Variants in SND1 observed in about 807,000 individuals in gnomAD.
SND1 encodes staphylococcal nuclease and tudor domain containing 1, also known as staphylococcal nuclease domain-containing protein 1.
Under a neutral mutation model 121.7 loss-of-function variants are expected in SND1, and 38 were observed. The observed-to-expected ratio is 0.31, with a 90% CI of 0.24 to 0.41. SND1 has a LOEUF of 0.41. Ranked by LOEUF, SND1 falls within the 10% of genes least tolerant of loss-of-function variation. The pLI is 1.00. For synonymous variants in SND1, 401 were observed against 447.4 expected, an observed-to-expected ratio of 0.90 and a Z score of 1.31; for missense variants, 868 against 1,184.6, an observed-to-expected ratio of 0.73 and a Z score of 3.92.
chr7:127,924,532 T>A (rs1483533683), intron 14 of SND1, among the ~76,000 whole-genome samples: 1 of 152,184 alleles, frequency 6.6e-6, no homozygotes, highest in Admixed American at 6.5e-5. Flanking sequence ...GGAATCACTT[T>A]GCATACATCT....
chr7:127,935,387 A>G (rs187724431), intron 15 of SND1, among the ~76,000 whole-genome samples: 1 of 152,358 alleles, frequency 6.6e-6, no homozygotes, highest in Admixed American at 6.5e-5. Flanking sequence ...TTCATAATAT[A>G]AATTTTAGAA....
intron 10 of SND1, among the ~76,000 whole-genome samples, chr7:127,766,498 G>T (rs762042363): frequency 1.3e-5 from 2 of 152,034 alleles, no homozygotes; most frequent in Non-Finnish European, 2.9e-5. Flanking sequence ...ATCTTAGGCC[G>T]GGCGCGATGG....
At chr7:127,786,421 G>C (rs1797813960) in intron 10 of SND1, among the ~76,000 whole-genome samples, 1 of 152,080 alleles carries the variant, frequency 6.6e-6, no homozygotes, top group Non-Finnish European at 1.5e-5. Flanking sequence ...CCCACTCCTT[G>C]TTAACTATGT....
chr7:128,007,159 T>C (rs1266471749), intron 16 of SND1, among the ~76,000 whole-genome samples: 1 of 152,172 alleles, frequency 6.6e-6, no homozygotes, highest in Non-Finnish European at 1.5e-5. Context: ...TTGTTTTTTT[T>C]CCCATGGATC....
At chr7:127,837,631 A>G (rs2116635189) in intron 11 of SND1, among the ~76,000 whole-genome samples, 1 of 152,364 alleles carries the variant, frequency 6.6e-6, no homozygotes, top group South Asian at 2.1e-4. Context: ...AGGCAGGACC[A>G]ACAGGCTCCT....
intron 10 of SND1, among the ~76,000 whole-genome samples, chr7:127,793,905 G>GCTT (rs908717903): frequency 6.1e-4 from 93 of 152,260 alleles, no homozygotes; most frequent in African/African-American, 2.1e-3. Context: ...CCTGAGTATG[G>GCTT]CTTCAAGTTT....
intron 10 of SND1, among the ~76,000 whole-genome samples, chr7:127,736,111 C>T (rs900800523): frequency 1.3e-5 from 2 of 152,188 alleles, no homozygotes; most frequent in Non-Finnish European, 2.9e-5. Flanking sequence ...CTAAATAGTT[C>T]ATTGTCAATT....
At chr7:127,852,196 A>C (rs1193092660) in intron 12 of SND1, among the ~76,000 whole-genome samples, 4 of 150,878 alleles carry the variant, frequency 2.7e-5, no homozygotes, top group African/African-American at 9.7e-5. Flanking sequence ...ATAAAATAAA[A>C]TAAATAAAAA....
At chr7:127,920,862 A>C (rs1395562015) in intron 14 of SND1, among the ~76,000 whole-genome samples, 1 of 151,548 alleles carries the variant, frequency 6.6e-6, no homozygotes, top group Admixed American at 6.6e-5. Context: ...TCTTAACAAA[A>C]AAAAAAAAAA....
chr7:127,947,889 C>T (rs1417824656), intron 15 of SND1, among the ~76,000 whole-genome samples: 2 of 152,034 alleles, frequency 1.3e-5, no homozygotes, highest in African/African-American at 4.8e-5. Flanking sequence ...TTTATTGGCC[C>T]CAGAGATGAC....
chr7:127,685,922 C>T (rs1795804627), intron 1 of SND1: 1 of 152,548 alleles, frequency 6.6e-6, no homozygotes, highest in African/African-American at 2.4e-5. Context: ...CAGAGTTTCA[C>T]TTTTGTTGCC....
intron 13 of SND1, among the ~76,000 whole-genome samples, chr7:127,890,064 A>G (rs756930124): frequency 4.6e-5 from 7 of 152,116 alleles, no homozygotes; most frequent in Non-Finnish European, 8.8e-5. Context: ...TTGCTGGATC[A>G]TATGGTAGCT....
At chr7:127,702,084 C>T (rs1796114740) in intron 5 of SND1, among the ~76,000 whole-genome samples, 1 of 152,170 alleles carries the variant, frequency 6.6e-6, no homozygotes, top group South Asian at 2.1e-4. Flanking sequence ...ACTGCAGACT[C>T]TGTAAAATAA....
At chr7:128,080,961 G>T (rs1360212982) in intron 17 of SND1, among the ~76,000 whole-genome samples, 1 of 151,516 alleles carries the variant, frequency 6.6e-6, no homozygotes, top group Non-Finnish European at 1.5e-5. Context: ...GCCCAGGGCC[G>T]ATCCCATTTG....
At chr7:127,687,671 C>T (rs1378667312) in intron 2 of SND1, among the ~76,000 whole-genome samples, 1 of 151,934 alleles carries the variant, frequency 6.6e-6, no homozygotes, top group Non-Finnish European at 1.5e-5. Flanking sequence ...TTATGGCTGC[C>T]CATACTTTAT....
At chr7:127,833,437 G>A (rs896964183) in intron 11 of SND1, among the ~76,000 whole-genome samples, 4 of 151,816 alleles carry the variant, frequency 2.6e-5, no homozygotes, top group Non-Finnish European at 5.9e-5. Flanking sequence ...GCTAATTTTT[G>A]TATTTTTGGT....
At chr7:128,004,850 C>A (rs1314799173) in intron 16 of SND1, among the ~76,000 whole-genome samples, 1 of 152,232 alleles carries the variant, frequency 6.6e-6, no homozygotes. Flanking sequence ...GGTTTACAGC[C>A]AGACCTCTAA....
chr7:127,879,516 G>A (rs1269417768), intron 12 of SND1, among the ~76,000 whole-genome samples: 4 of 152,026 alleles, frequency 2.6e-5, no homozygotes, highest in Admixed American at 6.6e-5. Context: ...TTCCTTACTC[G>A]TTTCTAACCT....
chr7:127,803,254 C>T (rs1330785813), intron 10 of SND1, among the ~76,000 whole-genome samples: 1 of 152,138 alleles, frequency 6.6e-6, no homozygotes, highest in Non-Finnish European at 1.5e-5. Context: ...TAAAATCAAT[C>T]TCAGTGCGGC....
Sources: allele counts gnomAD v4.1 joint callset (sites outside exome capture counted in the v4.1 genomes callset), GRCh38; gene constraint gnomAD v4.1.1; transcripts MANE v1.5; gene names NCBI Gene and HGNC (gene_info 2026-07-23, HGNC 2026-07-21).